NTS: variants seen among roughly 807,000 people sequenced by gnomAD.
NTS encodes neurotensin.
A neutral mutation model predicts 19.5 loss-of-function variants in NTS; 20 were observed. The ratio of observed to expected loss-of-function variants is 1.02; its 90% CI spans 0.72 to 1.49. The LOEUF (loss-of-function observed/expected upper bound fraction) is 1.49. Among genes scored for constraint, NTS ranks in the 40% most tolerant of loss-of-function variants. NTS has a pLI of 0.00. For synonymous variants in NTS, 71 were observed against 63.3 expected (o/e 1.12, Z -0.58); for missense variants, 215 against 193.1 (o/e 1.11, Z -0.67).
At chr12:85,877,401 C>CTTT (rs55824815) in intron 2 of NTS, among the ~76,000 whole-genome samples, 2 of 135,760 alleles carry the variant, frequency 1.5e-5, no homozygotes, top group Non-Finnish European at 3.2e-5. Context: ...TTTACATGTT[C>CTTT]TTTTTTTTTT....
chr12:85,879,100 A>G (rs560727641), intron 3 of NTS, among the ~76,000 whole-genome samples: 2 of 146,268 alleles, frequency 1.4e-5, no homozygotes, highest in Admixed American at 1.4e-4. Flanking sequence ...TTTTATGTAT[A>G]TTTTATGTAC....
intron 3 of NTS, among the ~76,000 whole-genome samples, chr12:85,880,452 C>A (rs1231279391): frequency 6.6e-6 from 1 of 152,116 alleles, no homozygotes; most frequent in East Asian, 1.9e-4. Flanking sequence ...CATTGGGGAT[C>A]TGAGGGTGTC....
chr12:85,876,217 G>A (rs1276346423), intron 1 of NTS, among the ~76,000 whole-genome samples: 1 of 151,766 alleles, frequency 6.6e-6, no homozygotes, highest in Non-Finnish European at 1.5e-5. Flanking sequence ...GTTTTGTCTT[G>A]AAAAAGTCTC....
chr12:85,878,597 ATTATAGT>A, intron 3 of NTS, 28 bp downstream of exon 3: 15 of 1,385,654 alleles, frequency 1.1e-5, no homozygotes, highest in Non-Finnish European at 1.5e-5. Context: ...TATTAATATG[ATTATAGT>A]TACACTAGTT....
chr12:85,881,453 C>A (rs1414399255), intron 3 of NTS, among the ~76,000 whole-genome samples: 4 of 151,980 alleles, frequency 2.6e-5, no homozygotes, highest in African/African-American at 9.7e-5. Flanking sequence ...TAAATGGTAA[C>A]TGAAATTTTT....
chr12:85,876,724 C>T, intron 2 of NTS, 23 bp downstream of exon 2: 4 of 1,341,992 alleles, frequency 3.0e-6, no homozygotes, highest in South Asian at 1.3e-5. Context: ...TTTCTTTAAC[C>T]CTGAGTTGAA....
chr12:85,875,628 A>G (rs1881324519), intron 1 of NTS, among the ~76,000 whole-genome samples: 1 of 152,080 alleles, frequency 6.6e-6, no homozygotes, highest in East Asian at 1.9e-4. Flanking sequence ...TTAAAGATTC[A>G]CATACTTCTG....
intron 2 of NTS, among the ~76,000 whole-genome samples, chr12:85,877,039 A>T (rs1207280026): frequency 6.6e-6 from 1 of 152,094 alleles, no homozygotes; most frequent in Non-Finnish European, 1.5e-5. Flanking sequence ...AATGAAAACA[A>T]AGTGAGCTCT....
intron 3 of NTS, among the ~76,000 whole-genome samples, chr12:85,880,821 C>T (rs1001629818): frequency 6.6e-6 from 1 of 151,894 alleles, no homozygotes; most frequent in African/African-American, 2.4e-5. Context: ...GCGTAGTGGC[C>T]GGCGCCTGTA....
chr12:85,876,639 G>C lies in NTS; in HGVS notation c.74-1G>C, dbSNP rs775298529. On this transcript the variant is annotated splice_acceptor_variant, in intron 1 of 3. Coordinates refer to ENST00000256010, the MANE Select transcript of NTS (RefSeq NM_006183.5). LOFTEE classifies it high-confidence loss of function. ...GTAAACCTGATTTTGATTTTACTCA[G>C]ATTCAGAAGAGGAAATGAAAGCATT... The C allele has an allele frequency of 6.4e-7, 1 of 1,568,656 alleles. No individual in the cohort carries two copies. The highest frequency in any genetic ancestry group is 1.2e-5 in the South Asian group (1 of 85,588).
rs2136595539 is a variant in NTS, at chr12:85,882,487, TGTG to T, written c.*115_*117del. 2.3e-6 allele frequency: 2 copies of T among 856,464 alleles called. No homozygotes were observed. The highest frequency in any genetic ancestry group is 4.0e-5 in the South Asian group (2 of 50,354). The allele number at this position is 856,464 out of a possible 1,614,324, so 53.1% of individuals were successfully genotyped here. A position where few individuals can be genotyped will look rare whatever the true frequency, so the allele number is the denominator to read the frequency against. On this transcript the variant is annotated 3_prime_UTR_variant, in exon 4 of 4. Transcript: ENST00000256010. ...CACACTTATCTGTCTCTTCTACAAT[TGTG>T]GTTTATTGAATGTGATTTTTCTGCA...
chr12:85,880,437 A>G (rs1397009867), intron 3 of NTS, among the ~76,000 whole-genome samples: 4 of 152,170 alleles, frequency 2.6e-5, no homozygotes, highest in Non-Finnish European at 1.5e-5. Flanking sequence ...CTGGATTTAC[A>G]CTAACATTGG....
At chr12:85,880,308 G>A (rs1308800039) in intron 3 of NTS, among the ~76,000 whole-genome samples, 1 of 152,062 alleles carries the variant, frequency 6.6e-6, no homozygotes. Context: ...ATAAAGAAGA[G>A]AAGGGGGAAG....
At chr12:85,882,173 C>G (rs746572539) in intron 3 of NTS, 50 bp from the exon 4 acceptor site, 1 of 1,419,756 alleles carries the variant, frequency 7.0e-7, no homozygotes, top group Non-Finnish European at 9.7e-7. Flanking sequence ...TGCTCTGAAA[C>G]AAAAGAGTTT....
chr12:85,876,260 T>C (rs997711562), intron 1 of NTS, among the ~76,000 whole-genome samples: 1 of 151,976 alleles, frequency 6.6e-6, no homozygotes, highest in African/African-American at 2.4e-5. Context: ...TGTTTTTAAA[T>C]GTTAATATGC....
chr12:85,877,077 T>C (rs12830688), intron 2 of NTS, among the ~76,000 whole-genome samples: 35,416 of 151,866 alleles, frequency 0.23, 5,152 homozygotes, highest in South Asian at 0.36. Context: ...TTGGGGGAAA[T>C]AAAAAGGTGT....
intron 3 of NTS, among the ~76,000 whole-genome samples, chr12:85,879,047 T>G (rs1165254661): frequency 7.4e-6 from 1 of 135,848 alleles, no homozygotes; most frequent in Non-Finnish European, 1.7e-5. Flanking sequence ...TTTATGTACA[T>G]AAAATATATT....
At chr12:85,876,551 AT>A (rs537100261) in intron 1 of NTS, 88 bp from the exon 2 acceptor site, 936 of 708,260 alleles carry the variant, frequency 1.3e-3, no homozygotes, top group Middle Eastern at 4.0e-3. Context: ...AACCTCTAAG[AT>A]TTTTTTTTAG....
rs771395922 is a variant in NTS at position 85,882,399 on chromosome 12, G to T, written c.*24G>T. 1.4e-5 allele frequency: 21 copies of T among 1,457,290 alleles called. No homozygotes were observed. Among genetic ancestry groups the T allele is most frequent in the Middle Eastern group, 3.6e-4 (2 of 5,578 alleles). The allele number at this position is 1,457,290 out of a possible 1,614,324, so 90.3% of individuals were successfully genotyped here. Reference sequence around the variant, plus strand: ...GAGAGAATAAATCATTTATTTACATGTGATTGTGATTCATCATCCCTTAAT... The same window carrying T: ...GAGAGAATAAATCATTTATTTACATTTGATTGTGATTCATCATCCCTTAAT... On this transcript the variant is annotated 3_prime_UTR_variant, in exon 4 of 4. Coordinates refer to ENST00000256010, the MANE Select transcript of NTS (RefSeq NM_006183.5).
Sources: gnomAD v4.1 joint callset for allele counts (sites outside exome capture counted in the v4.1 genomes callset) on GRCh38, gnomAD v4.1.1 for gene constraint, MANE v1.5 for transcripts, NCBI Gene and HGNC (gene_info 2026-07-23, HGNC 2026-07-21) for gene names.